The following ACVR1 variants were observed in gnomAD, a reference collection of about 807,000 sequenced individuals.
ACVR1 encodes the protein activin A receptor type 1.
In ACVR1, 38 loss-of-function variants were observed where a neutral mutation model predicts 57.1. The ratio of observed to expected loss-of-function variants is 0.67; its 90% CI spans 0.51 to 0.87. ACVR1 has a LOEUF of 0.87. Ranked by LOEUF, ACVR1 falls within the 40% of genes least tolerant of loss-of-function variation. ACVR1 has a pLI of 0.00. For synonymous variants in ACVR1, 212 were observed against 228.1 expected (o/e 0.93, Z 0.63); for missense variants, 463 against 638.2 (o/e 0.73, Z 2.96).
At position 157,765,782 on chromosome 2, in the gene ACVR1, A is replaced by G. The variant is rs1456775958; in HGVS notation, c.1066+139T>C. The G allele has an allele frequency of 3.9e-6, 3 of 769,418 alleles. No individual in the cohort carries two copies. The Admixed American group carries it at 6.4e-5, about 17-fold the overall frequency. The allele number at this position is 769,418 out of a possible 1,614,324, so 47.7% of individuals were successfully genotyped here. A position where few individuals can be genotyped will look rare whatever the true frequency, so the allele number is the denominator to read the frequency against. Reference sequence around the variant, plus strand: ...ATGTGAGAATCTATGTGGTGGGTATAAAGGTGTTCATTGTAAATGTTCAAC... The same window carrying G: ...ATGTGAGAATCTATGTGGTGGGTATGAAGGTGTTCATTGTAAATGTTCAAC... On this transcript the variant is annotated intron_variant, in intron 8 of 10. Coordinates refer to ENST00000434821, the MANE Select transcript of ACVR1 (RefSeq NM_001111067.4).
chr2:157,824,007 C>T (rs923822934), intron 1 of ACVR1, among the ~76,000 whole-genome samples: 2 of 152,078 alleles, frequency 1.3e-5, no homozygotes, highest in Admixed American at 1.3e-4. Flanking sequence ...AGAGCTGCCA[C>T]GTATGAAGTA....
At chr2:157,864,280 T>C (rs1369717568) in intron 1 of ACVR1, among the ~76,000 whole-genome samples, 2 of 151,928 alleles carry the variant, frequency 1.3e-5, no homozygotes. Flanking sequence ...GGCATAATCA[T>C]GGCTCACTGC....
intron 9 of ACVR1, among the ~76,000 whole-genome samples, chr2:157,750,738 C>G (rs929924130): frequency 1.3e-5 from 2 of 151,934 alleles, no homozygotes; most frequent in Non-Finnish European, 2.9e-5. Flanking sequence ...TCTCCAGCAA[C>G]AGATTCCAAT....
At chr2:157,763,537 A>G (rs1244898097) in intron 8 of ACVR1, among the ~76,000 whole-genome samples, 1 of 152,140 alleles carries the variant, frequency 6.6e-6, no homozygotes, top group East Asian at 1.9e-4. Flanking sequence ...TGAGCAACAT[A>G]GTGAGACCTC....
At chr2:157,843,098 A>C (rs1236641807) in intron 1 of ACVR1, among the ~76,000 whole-genome samples, 1 of 152,238 alleles carries the variant, frequency 6.6e-6, no homozygotes, top group Non-Finnish European at 1.5e-5. Flanking sequence ...ACTTAGAGGA[A>C]GTATAGCTTT....
At chr2:157,854,592 G>A (rs181408693) in intron 1 of ACVR1, among the ~76,000 whole-genome samples, 28 of 152,074 alleles carry the variant, frequency 1.8e-4, no homozygotes, top group Middle Eastern at 3.4e-3. Flanking sequence ...GCATGGTGGC[G>A]GGCACTTGTA....
At position 157,773,353 on chromosome 2, in the gene ACVR1, G is replaced by C. The variant is rs142205090; in HGVS notation, c.643+735C>G. Among the ~76,000 whole-genome samples the C allele has an allele frequency of 6.3e-3, 966 of 152,292 alleles. 8 individuals carry two copies. Among genetic ancestry groups the C allele is most frequent in the African/African-American group, 0.021 (876 of 41,546 alleles). On this transcript the variant is annotated intron_variant, in intron 6 of 10. Coordinates refer to ENST00000434821, the MANE Select transcript of ACVR1 (RefSeq NM_001111067.4). ...TTTGACCCAGGAACCCCCAGTTCCTGGGAATTTTTTCTGAGAACTCAAAAG... is the reference window on the plus strand; with the variant it reads ...TTTGACCCAGGAACCCCCAGTTCCTCGGAATTTTTTCTGAGAACTCAAAAG...
rs140166085 is a variant in ACVR1 at position 157,749,707 on chromosome 2, G to T, written c.1265-11137C>A. On this transcript the variant is annotated intron_variant, in intron 9 of 10. Transcript: ENST00000434821. ...TCCCTGGTGTCTACAGGCACGATCA[G>T]GGGGCTCTGAAAACAGGCCTGCCCC... 2.2e-3 allele frequency among the ~76,000 whole-genome samples: 336 copies of T among 152,302 alleles called. 1 individual carries two copies. The highest frequency in any genetic ancestry group is 6.8e-3 in the Middle Eastern group (2 of 294).
intron 6 of ACVR1, among the ~76,000 whole-genome samples, 160 bp downstream of exon 6, chr2:157,773,928 G>A (rs1490163181): frequency 6.6e-6 from 1 of 152,170 alleles, no homozygotes; most frequent in African/African-American, 2.4e-5. Flanking sequence ...AACAAGTTCA[G>A]GTGCTCCAAC....
intron 10 of ACVR1, 148 bp downstream of exon 10, chr2:157,738,292 A>G: frequency 8.2e-7 from 1 of 1,226,550 alleles, no homozygotes; most frequent in Non-Finnish European, 1.2e-6. Flanking sequence ...TTACTCTTCT[A>G]GATCTAAACC....
At chr2:157,766,781 C>T (rs908099137) in intron 7 of ACVR1, among the ~76,000 whole-genome samples, 2 of 152,180 alleles carry the variant, frequency 1.3e-5, no homozygotes, top group Non-Finnish European at 2.9e-5. Context: ...CAGTCACACA[C>T]AGAAAAACCA....
chr2:157,835,328 A>G lies in ACVR1; in HGVS notation c.-182-16769T>C, dbSNP rs190815110. On this transcript the variant is annotated intron_variant, in intron 1 of 10. Coordinates refer to ENST00000434821, the MANE Select transcript of ACVR1 (RefSeq NM_001111067.4). ...TCATTCCCTTCATCTGAAAAATTTC[A>G]ATTAAAAATTATACCTGCCTCACAG... Among the ~76,000 whole-genome samples the G allele has an allele frequency of 4.1e-4, 62 of 152,284 alleles. 1 individual carries two copies. The highest frequency in any genetic ancestry group is 3.4e-3 in the Middle Eastern group (1 of 294).
chr2:157,768,918 T>C (rs1291763254), intron 7 of ACVR1, among the ~76,000 whole-genome samples: 2 of 152,232 alleles, frequency 1.3e-5, no homozygotes, highest in Non-Finnish European at 2.9e-5. Context: ...TGCATGTTTA[T>C]TGTTACTACT....
intron 5 of ACVR1, 111 bp downstream of exon 5, chr2:157,778,020 T>C (rs2105277571): frequency 8.9e-7 from 1 of 1,127,766 alleles, no homozygotes; most frequent in Middle Eastern, 2.9e-4. Flanking sequence ...CAACAGCATG[T>C]GTGTACACTG....
At chr2:157,783,989 T>G (rs900665119) in intron 3 of ACVR1, among the ~76,000 whole-genome samples, 2 of 151,984 alleles carry the variant, frequency 1.3e-5, no homozygotes, top group East Asian at 3.9e-4. Context: ...CAGAGTGGAG[T>G]AGATGGAAGT....
chr2:157,870,725 C>T (rs553068371), intron 1 of ACVR1, among the ~76,000 whole-genome samples: 2 of 152,240 alleles, frequency 1.3e-5, no homozygotes, highest in South Asian at 2.1e-4. Flanking sequence ...ATGGAAGCAT[C>T]ACTCTTAAAT....
intron 3 of ACVR1, among the ~76,000 whole-genome samples, chr2:157,795,665 A>C (rs1316229065): frequency 1.3e-5 from 2 of 152,052 alleles, no homozygotes; most frequent in African/African-American, 4.8e-5. Context: ...AGCCTAAACT[A>C]ACTTTTACAT....
At chr2:157,873,103 T>G (rs1468083408) in intron 1 of ACVR1, among the ~76,000 whole-genome samples, 1 of 152,156 alleles carries the variant, frequency 6.6e-6, no homozygotes, top group East Asian at 1.9e-4. Context: ...AGTGAATCAT[T>G]GCTTTAAAGA....
intron 9 of ACVR1, among the ~76,000 whole-genome samples, chr2:157,748,597 G>C (rs1414369699): frequency 1.3e-5 from 2 of 149,286 alleles, no homozygotes; most frequent in African/African-American, 5.0e-5. Context: ...CAGTGGTTGA[G>C]AAACAATTAC....
Sources: gnomAD v4.1 joint callset for allele counts (sites outside exome capture counted in the v4.1 genomes callset) on GRCh38, gnomAD v4.1.1 for gene constraint, MANE v1.5 for transcripts, NCBI Gene and HGNC (gene_info 2026-07-23, HGNC 2026-07-21) for gene names.